TUBGCP5: variants seen among roughly 807,000 people sequenced by gnomAD.
The protein encoded by TUBGCP5 is tubulin gamma complex component 5.
TUBGCP5 carries 98 observed loss-of-function variants against 134.7 expected under a neutral mutation model. The observed-to-expected ratio is 0.73, with a 90% CI of 0.62 to 0.86. The LOEUF (loss-of-function observed/expected upper bound fraction) is 0.86, where lower values mean the gene tolerates loss of function less well. Ranked by LOEUF, TUBGCP5 falls within the 40% of genes least tolerant of loss-of-function variation. TUBGCP5 has a pLI of 0.00. For missense variants in TUBGCP5, 1,150 were observed against 1,244.8 expected, an observed-to-expected ratio of 0.92 and a Z score of 1.15; for synonymous variants, 456 against 431.4, an observed-to-expected ratio of 1.06 and a Z score of -0.71.
At chr15:23,031,900 A>G (rs2066332903) in intron 5 of TUBGCP5, 50 bp downstream of exon 5, 5 of 1,441,738 alleles carry the variant, frequency 3.5e-6, no homozygotes, top group Middle Eastern at 1.8e-4. Flanking sequence ...AATCATCTAT[A>G]TCACCTGGCG....
At chr15:23,028,834 T>C (rs1411705249) in intron 6 of TUBGCP5, among the ~76,000 whole-genome samples, 1 of 152,086 alleles carries the variant, frequency 6.6e-6, no homozygotes, top group Non-Finnish European at 1.5e-5. Context: ...ACAGAGAAGA[T>C]ACAGGCATAA....
At chr15:23,027,769 A>G (rs998343753) in intron 6 of TUBGCP5, among the ~76,000 whole-genome samples, 8 of 152,018 alleles carry the variant, frequency 5.3e-5, no homozygotes, top group South Asian at 2.1e-4. Flanking sequence ...AAAATAAAAT[A>G]AAACCACACA....
rs1364640382 is a variant in TUBGCP5 at position 23,017,907 on chromosome 15, G to A, written c.1622C>T (p.Pro541Leu). The A allele has an allele frequency of 3.1e-6, 5 of 1,614,018 alleles. No homozygotes were observed. The Admixed American group carries it at 5.0e-5, about 16-fold the overall frequency. Residue 541 changes from proline (P) to leucine (L), a missense_variant, in exon 13 of 23, where the codon CCC becomes CTC. Transcript: ENST00000615383. Reference protein sequence around the residue: ...ASASSGSDQGPSSRQHTMVSF... With the variant: ...ASASSGSDQGLSSRQHTMVSF... ...CACCATGGTGTGCTGCCTGCTGGAG[G>A]GCCCCTGGTCACTGCCGGAACTCGC...
intron 3 of TUBGCP5, among the ~76,000 whole-genome samples, chr15:23,033,114 A>G (rs376479177): frequency 6.6e-6 from 1 of 152,198 alleles, no homozygotes; most frequent in African/African-American, 2.4e-5. Flanking sequence ...TCTTTAGAGT[A>G]TAACATTATG....
intron 15 of TUBGCP5, among the ~76,000 whole-genome samples, chr15:23,009,251 C>A (rs8030140): frequency 0.18 from 26,928 of 151,284 alleles, 3,374 homozygotes; most frequent in East Asian, 0.5. Context: ...CGTATTATAT[C>A]TCCTGCTTTT....
At position 23,028,545 on chromosome 15, in the gene TUBGCP5, C is replaced by T. The variant is rs574246019; in HGVS notation, c.623-1239G>A. ...TAAAAGAGAAAAGTTATGAGATTAT[C>T]TCACGGATAAATAGTAGCATTTAAT... On this transcript the variant is annotated intron_variant, in intron 6 of 22. Transcript: ENST00000615383. Among the ~76,000 whole-genome samples the T allele has an allele frequency of 1.4e-4, 22 of 151,994 alleles. No homozygotes were observed. In the South Asian group the frequency reaches 3.7e-3, roughly 26 times the overall value.
chr15:23,037,559 T>C (rs1006056104), intron 1 of TUBGCP5, among the ~76,000 whole-genome samples: 5 of 152,220 alleles, frequency 3.3e-5, no homozygotes, highest in African/African-American at 1.2e-4. Flanking sequence ...AATCCCATTA[T>C]ACTGAGATAC....
downstream of TUBGCP5, among the ~76,000 whole-genome samples, chr15:22,998,625 A>ATTTTT (rs1038027315): frequency 6.9e-6 from 1 of 145,848 alleles, no homozygotes; most frequent in Non-Finnish European, 1.5e-5. Flanking sequence ...TGCTTGGCTA[A>ATTTTT]TTTTTTTTTT....
chr15:22,988,570 AG>A lies in TUBGCP5; in HGVS notation c.*62-4960del, dbSNP rs553515081. Among the ~76,000 whole-genome samples, 295 of 150,638 alleles carry A rather than the reference AG, an allele frequency of 2.0e-3. 3 individuals carry two copies. In the East Asian group the frequency reaches 0.021, roughly 11 times the overall value. On this transcript the variant is annotated intron_variant and NMD_transcript_variant, in intron 23 of 23. Transcript: ENST00000614508. ...AACACAGTGAAACCCCGTCTCTACT[AG>A]AAAATACAAAAAAAATTAGCCGGGC...
rs1035968549 is a variant in TUBGCP5 at position 23,037,982 on chromosome 15, T to C, written c.147-830A>G. On this transcript the variant is annotated intron_variant, in intron 1 of 22. Transcript: ENST00000615383. ...GGTTTCACCGTGTTAGCCAGGATAG[T>C]CTCGATCTCCTGACCTCGTGATCCA... is the stretch of plus-strand genomic sequence containing the variant. Among the ~76,000 whole-genome samples the C allele has an allele frequency of 3.9e-5, 6 of 152,274 alleles. No homozygotes were observed. The East Asian group carries it at 7.7e-4, about 20-fold the overall frequency.
chr15:23,016,357 G>A (rs1035050989), intron 13 of TUBGCP5, among the ~76,000 whole-genome samples: 3 of 152,222 alleles, frequency 2.0e-5, no homozygotes, highest in African/African-American at 7.2e-5. Context: ...AGCCGGGTGT[G>A]GTGGCGGGTG....
At chr15:23,007,597 A>C (rs986917972) in intron 16 of TUBGCP5, among the ~76,000 whole-genome samples, 1 of 152,156 alleles carries the variant, frequency 6.6e-6, no homozygotes, top group East Asian at 1.9e-4. Flanking sequence ...TGCCGGGCCC[A>C]TGAACTGGAG....
At chr15:23,037,283 C>T in intron 1 of TUBGCP5, 131 bp from the exon 2 acceptor site, 2 of 801,288 alleles carry the variant, frequency 2.5e-6, no homozygotes, top group Non-Finnish European at 4.1e-6. Context: ...GTACCTTGTC[C>T]TCCGTTACCT....
At chr15:23,009,813 C>A (rs755633329) in intron 15 of TUBGCP5, 132 bp downstream of exon 15, 23 of 623,166 alleles carry the variant, frequency 3.7e-5, no homozygotes, top group Non-Finnish European at 4.4e-5. Flanking sequence ...CAATTGATTT[C>A]TCTTAGAAAA....
At chr15:23,037,264 GA>G (rs764947771) in intron 1 of TUBGCP5, 112 bp from the exon 2 acceptor site, 1,031 of 1,011,110 alleles carry the variant, frequency 1.0e-3, no homozygotes, top group Non-Finnish European at 1.4e-3. Flanking sequence ...CACATTTCCA[GA>G]ATGGAGTGTA....
At chr15:22,988,791 G>A (rs565096057) in intron 23 of TUBGCP5, among the ~76,000 whole-genome samples, 2 of 151,582 alleles carry the variant, frequency 1.3e-5, no homozygotes, top group East Asian at 2.0e-4. Context: ...TTTTTGAGAC[G>A]GAGTCTTGTT....
Position 23,011,225 on chromosome 15 carries a change from G to C in TUBGCP5, c.1863C>G (p.Thr621=), listed in dbSNP as rs138633107. The C allele has an allele frequency of 2.4e-4, 383 of 1,613,874 alleles. 4 individuals carry two copies. The East Asian group carries it at 8.4e-3, about 35-fold the overall frequency. Residue 621 remains threonine, a synonymous_variant, in exon 14 of 23, where the codon ACC becomes ACG. Coordinates refer to ENST00000615383, the MANE Select transcript of TUBGCP5 (RefSeq NM_052903.6). ...TPQVLTEQQA[T]KENLMKMQSI... ...ACTGCATCTTCATCAGGTTCTCCTT[G>C]GTTGCCTGTTGCTCAGTAAGAACCT...
intron 12 of TUBGCP5, 29 bp from the exon 13 acceptor site, chr15:23,018,070 C>CT (rs1190387868): frequency 6.4e-6 from 10 of 1,567,344 alleles, no homozygotes; most frequent in Admixed American, 1.8e-5. Flanking sequence ...ATTTTAAACT[C>CT]TTATTTCTCT....
In TUBGCP5 at chr15:23,022,047, C is replaced by T. The variant is rs753418263; in HGVS notation, c.1283G>A (p.Arg428Gln). The change falls in exon 11 of 23, where the codon CGA (arginine) becomes CAA (glutamine). Residue 428 changes from arginine to glutamine, a missense_variant. Coordinates refer to ENST00000615383, the MANE Select transcript of TUBGCP5 (RefSeq NM_052903.6). ...CAGGTGAGAGGCCCGGACGACATTT[C>T]GAGTATCAGGTGGAACTTCTGCTAC... ...TGVAEVPPDT[R>Q]NVVRASHLLN... 2.5e-6 allele frequency: 4 copies of T among 1,613,992 alleles called. No individual in the cohort carries two copies. Among genetic ancestry groups the T allele is most frequent in the African/African-American group, 1.3e-5 (1 of 74,900 alleles).
Sources: allele counts gnomAD v4.1 joint callset (sites outside exome capture counted in the v4.1 genomes callset), GRCh38; gene constraint gnomAD v4.1.1; transcripts MANE v1.5; gene names NCBI Gene and HGNC (gene_info 2026-07-23, HGNC 2026-07-21).